The following MECOM variants were observed in gnomAD, a reference collection of about 807,000 sequenced individuals.
MECOM encodes histone-lysine N-methyltransferase MECOM.
MECOM carries 13 observed loss-of-function variants against 116.3 expected under a neutral mutation model. The observed-to-expected ratio is 0.11, with a 90% CI of 0.07 to 0.18. The LOEUF (loss-of-function observed/expected upper bound fraction) is 0.18. Ranked by LOEUF, MECOM falls within the 10% of genes least tolerant of loss-of-function variation. The pLI is 1.00. For missense variants in MECOM, 1,299 were observed against 1,509.0 expected (o/e 0.86, Z 2.31); for synonymous variants, 528 against 535.2 (o/e 0.99, Z 0.19).
intron 2 of MECOM, among the ~76,000 whole-genome samples, chr3:169,211,681 C>T (rs926808316): frequency 6.6e-6 from 1 of 152,082 alleles, no homozygotes; most frequent in African/African-American, 2.4e-5. Context: ...TCATGTTAGG[C>T]TGTTTTCCTT....
chr3:169,339,875 A>C (rs1264249619), intron 2 of MECOM, among the ~76,000 whole-genome samples: 1 of 152,174 alleles, frequency 6.6e-6, no homozygotes, highest in Non-Finnish European at 1.5e-5. Flanking sequence ...TATTGTCTAA[A>C]GTGAGTCAAA....
chr3:169,156,670 T>TTC (rs1404739974), intron 2 of MECOM, among the ~76,000 whole-genome samples: 1 of 152,140 alleles, frequency 6.6e-6, no homozygotes, highest in Admixed American at 6.5e-5. Flanking sequence ...ACAATCTCAT[T>TTC]TCAAGATCAA....
chr3:169,274,267 T>C (rs1476421487), intron 2 of MECOM, among the ~76,000 whole-genome samples: 1 of 152,160 alleles, frequency 6.6e-6, no homozygotes, highest in Non-Finnish European at 1.5e-5. Context: ...GTCTGCCTGA[T>C]ATTCAATAGA....
intron 2 of MECOM, among the ~76,000 whole-genome samples, chr3:169,332,882 T>C (rs1046453510): frequency 6.6e-6 from 1 of 152,138 alleles, no homozygotes; most frequent in Non-Finnish European, 1.5e-5. Flanking sequence ...TAACCAAGTC[T>C]ATGCTAACCC....
intron 2 of MECOM, among the ~76,000 whole-genome samples, chr3:169,149,921 CTCTT>C (rs1467762560): frequency 7.2e-6 from 1 of 138,984 alleles, no homozygotes; most frequent in East Asian, 2.1e-4. Flanking sequence ...ATCTTAATCT[CTCTT>C]TCTCTCTCTC....
At chr3:169,524,512 A>G (rs551078858) in intron 1 of MECOM, among the ~76,000 whole-genome samples, 1 of 152,328 alleles carries the variant, frequency 6.6e-6, no homozygotes, top group Admixed American at 6.5e-5. Context: ...TCATCAGTCT[A>G]TGTTCTTCAC....
At chr3:169,493,710 C>T (rs185357536) in intron 1 of MECOM, among the ~76,000 whole-genome samples, 29 of 152,136 alleles carry the variant, frequency 1.9e-4, no homozygotes. Flanking sequence ...ACAGAAACAG[C>T]CCTGACACTT....
At chr3:169,426,010 G>GTATTATAGTTTTC (rs1354857001) in intron 1 of MECOM, among the ~76,000 whole-genome samples, 1 of 152,122 alleles carries the variant, frequency 6.6e-6, no homozygotes, top group Non-Finnish European at 1.5e-5. Flanking sequence ...GTGAGCCTGT[G>GTATTATAGTTTTC]TATTATAGTT....
At chr3:169,487,054 T>G (rs886295534) in intron 1 of MECOM, among the ~76,000 whole-genome samples, 1 of 152,090 alleles carries the variant, frequency 6.6e-6, no homozygotes, top group Admixed American at 6.5e-5. Flanking sequence ...TGGTTTTAAT[T>G]TTTATTTCAC....
intron 2 of MECOM, among the ~76,000 whole-genome samples, chr3:169,234,778 T>C (rs1012307495): frequency 6.6e-6 from 1 of 152,212 alleles, no homozygotes; most frequent in Non-Finnish European, 1.5e-5. Context: ...TGCCACTAAT[T>C]GCTTCTTTTT....
intron 1 of MECOM, among the ~76,000 whole-genome samples, chr3:169,586,756 T>TA (rs1765824173): frequency 6.6e-6 from 1 of 152,202 alleles, no homozygotes; most frequent in Non-Finnish European, 1.5e-5. Flanking sequence ...ATGTCTACCT[T>TA]ACACCAAAGC....
intron 1 of MECOM, among the ~76,000 whole-genome samples, chr3:169,534,726 C>G (rs1400189622): frequency 6.6e-6 from 1 of 152,184 alleles, no homozygotes; most frequent in Non-Finnish European, 1.5e-5. Flanking sequence ...ACATGCAATC[C>G]TCATCCCATG....
intron 7 of MECOM, among the ~76,000 whole-genome samples, chr3:169,117,342 C>G (rs1729498843): frequency 6.6e-6 from 1 of 152,182 alleles, no homozygotes; most frequent in Admixed American, 6.5e-5. Context: ...ATTGTGTATT[C>G]TGAGACTTTT....
At chr3:169,146,651 G>A (rs1740044388) in intron 2 of MECOM, 1 of 1,356,806 alleles carries the variant, frequency 7.4e-7, no homozygotes, top group Admixed American at 1.9e-5. Flanking sequence ...GCCCCGGCAG[G>A]AAACTGTCCG....
chr3:169,147,571 T>C (rs749684174), intron 2 of MECOM: 4 of 985,252 alleles, frequency 4.1e-6, no homozygotes, highest in Non-Finnish European at 3.6e-6. Flanking sequence ...CCAAGTCCTA[T>C]AGGGACAGAC....
At chr3:169,105,229 A>T (rs1347821667) in intron 10 of MECOM, among the ~76,000 whole-genome samples, 1 of 152,182 alleles carries the variant, frequency 6.6e-6, no homozygotes, top group Non-Finnish European at 1.5e-5. Flanking sequence ...AAGTTTCCAC[A>T]TTAAGATAAA....
intron 1 of MECOM, among the ~76,000 whole-genome samples, chr3:169,413,665 G>A (rs1373863705): frequency 3.3e-5 from 5 of 152,112 alleles, no homozygotes; most frequent in Admixed American, 1.3e-4. Flanking sequence ...CAACACAGCA[G>A]TCTAAAGACG....
At chr3:169,286,290 G>C (rs1267312438) in intron 2 of MECOM, among the ~76,000 whole-genome samples, 1 of 152,206 alleles carries the variant, frequency 6.6e-6, no homozygotes, top group East Asian at 1.9e-4. Context: ...CAGAAGCAAA[G>C]ATTTCCTTCT....
intron 13 of MECOM, 69 bp downstream of exon 13, chr3:169,095,007 A>G (rs1721025381): frequency 1.5e-6 from 2 of 1,296,292 alleles, no homozygotes; most frequent in Non-Finnish European, 2.0e-6. Context: ...GAAAGATCAC[A>G]TTATCTTATT....
Sources: allele counts gnomAD v4.1 joint callset (sites outside exome capture counted in the v4.1 genomes callset), GRCh38; gene constraint gnomAD v4.1.1; transcripts MANE v1.5; gene names NCBI Gene and HGNC (gene_info 2026-07-23, HGNC 2026-07-21).